Variants in ASPSCR1 observed in about 807,000 individuals in gnomAD.
ASPSCR1 encodes the protein tether containing UBX domain for GLUT4.
Under a neutral mutation model 68.9 loss-of-function variants are expected in ASPSCR1, and 55 were observed. The observed-to-expected ratio is 0.80, with a 90% confidence interval of 0.64 to 1.00. The LOEUF is 1.00. ASPSCR1 is among the 50% of genes least tolerant of loss of function. ASPSCR1 has a pLI of 0.00. For missense variants in ASPSCR1, 765 were observed against 762.2 expected (o/e 1.00, Z -0.04); for synonymous variants, 352 against 332.6 (o/e 1.06, Z -0.63).
intron 7 of ASPSCR1, among the ~76,000 whole-genome samples, chr17:82,001,631 G>A (rs1716412683): frequency 6.6e-6 from 1 of 152,168 alleles, no homozygotes; most frequent in South Asian, 2.1e-4. Context: ...GGGAGAACTG[G>A]GAGTGTGGGG....
intron 2 of ASPSCR1, among the ~76,000 whole-genome samples, chr17:81,981,858 G>A (rs893971429): frequency 6.6e-6 from 1 of 152,180 alleles, no homozygotes; most frequent in Non-Finnish European, 1.5e-5. Context: ...TAGTGACGGG[G>A]TTTCACCATG....
intron 7 of ASPSCR1, among the ~76,000 whole-genome samples, chr17:82,003,691 A>G (rs935485764): frequency 6.6e-6 from 1 of 152,260 alleles, no homozygotes; most frequent in African/African-American, 2.4e-5. Context: ...TGGTGTCTTC[A>G]GAGGCAGTCC....
At chr17:81,988,468 AAAAC>A (rs2042066115) in intron 4 of ASPSCR1, among the ~76,000 whole-genome samples, 3 of 151,776 alleles carry the variant, frequency 2.0e-5, no homozygotes, top group Non-Finnish European at 4.4e-5. Context: ...AAAAAAAAAA[AAAAC>A]AAGAGCAAGT....
intron 4 of ASPSCR1, among the ~76,000 whole-genome samples, chr17:81,994,368 G>A (rs908797544): frequency 4.6e-5 from 7 of 152,356 alleles, no homozygotes; most frequent in East Asian, 1.9e-4. Context: ...GACATCAGGC[G>A]GTGGAGACAG....
At chr17:82,001,720 G>A (rs971970195) in intron 7 of ASPSCR1, among the ~76,000 whole-genome samples, 1 of 152,204 alleles carries the variant, frequency 6.6e-6, no homozygotes, top group African/African-American at 2.4e-5. Context: ...TCCCCGTTGG[G>A]CCCAAGATCC....
chr17:81,979,348 A>G, intron 2 of ASPSCR1, 109 bp downstream of exon 2: 1 of 1,248,412 alleles, frequency 8.0e-7, no homozygotes, highest in African/African-American at 1.5e-5. Context: ...AAACAGTCAT[A>G]TATTCCCTCC....
intron 7 of ASPSCR1, chr17:82,007,125 C>T (rs2042746288): frequency 6.6e-6 from 1 of 152,314 alleles, no homozygotes; most frequent in South Asian, 2.1e-4. Flanking sequence ...CTGGGCCCTT[C>T]TGGTAGCCGC....
Position 82,017,173 on chromosome 17 carries a change from G to A in ASPSCR1, c.1648+60G>A, listed in dbSNP as rs1055647405. The A allele has an allele frequency of 6.4e-6, 10 of 1,569,816 alleles. No homozygotes were observed. The African/African-American group carries it at 1.1e-4, about 17-fold the overall frequency. ...CCGGGTGGAGGGCGGGGGTCCGGGT[G>A]CTGTGGCAGGGTCAGTGGGCTGGGG... On this transcript the variant is annotated intron_variant, in intron 15 of 15. Coordinates refer to ENST00000306739, the MANE Select transcript of ASPSCR1 (RefSeq NM_024083.4).
chr17:82,015,626 T>C lies in ASPSCR1; in HGVS notation c.1354-850T>C, dbSNP rs1385380186. 7.6e-6 allele frequency: 4 copies of C among 526,850 alleles called. No homozygotes were observed. In the African/African-American group the frequency reaches 7.6e-5, roughly 10 times the overall value. The allele number at this position is 526,850 out of a possible 1,614,324, so 32.6% of individuals were successfully genotyped here. A position where few individuals can be genotyped will look rare whatever the true frequency, so the allele number is the denominator to read the frequency against. ...CAGATGGGGCTGGCCAGGGCTCCTGTGCCCACAGCAGCCTCTGGGCAGTGT... is the reference window on the plus strand; with the variant it reads ...CAGATGGGGCTGGCCAGGGCTCCTGCGCCCACAGCAGCCTCTGGGCAGTGT... On this transcript the variant is annotated intron_variant, in intron 12 of 15. Coordinates refer to ENST00000306739, the MANE Select transcript of ASPSCR1 (RefSeq NM_024083.4).
At chr17:82,011,440 CGGGGAA>C in intron 10 of ASPSCR1, 97 bp from the exon 11 acceptor site, 1 of 1,141,790 alleles carries the variant, frequency 8.8e-7, no homozygotes, top group South Asian at 1.6e-5. Flanking sequence ...TCCCACCCCT[CGGGGAA>C]AGGCCCAGGA....
Position 81,987,904 on chromosome 17 carries a change from A to T in ASPSCR1, c.374+2297A>T, listed in dbSNP as rs1693803715. Among the ~76,000 whole-genome samples, 1 of 152,142 alleles carries T rather than the reference A, an allele frequency of 6.6e-6. No individual in the cohort carries two copies. The highest frequency in any genetic ancestry group is 2.1e-4 in the South Asian group (1 of 4,822). ...GCTGGGCACGGTGGCTCACACCTGT[A>T]ATCGCAGCACTTTGGGAGGCTGAGG... On this transcript the variant is annotated intron_variant, in intron 4 of 15. Transcript: ENST00000306739. This position sits in a 1 kb window ranked among gnomAD's most constrained non-coding sequence, Gnocchi z 5.6.
At chr17:81,997,605 C>T (rs996447243) in intron 7 of ASPSCR1, among the ~76,000 whole-genome samples, 6 of 149,876 alleles carry the variant, frequency 4.0e-5, no homozygotes, top group Admixed American at 6.7e-5. Context: ...ACTCCTGCCT[C>T]AGCCTCCCGA....
rs2041859885 is a variant in ASPSCR1, at chr17:81,983,432, A to AGGACGTGGATGGCG, written c.159-119_159-106dup. The AGGACGTGGATGGCG allele has an allele frequency of 5.1e-6, 4 of 787,344 alleles. No homozygotes were observed. The highest frequency in any genetic ancestry group is 3.5e-5 in the African/African-American group (2 of 57,664). 48.8% of individuals were successfully genotyped at this position (787,344 alleles called of 1,614,324 possible). A position where few individuals can be genotyped will look rare whatever the true frequency, so the allele number is the denominator to read the frequency against. On this transcript the variant is annotated intron_variant, in intron 2 of 15. Transcript: ENST00000306739. This position sits in a 1 kb window ranked among gnomAD's most constrained non-coding sequence, Gnocchi z 4.4. ...CGTCCCGCTGTTGGGGAGCTGCCAC[A>AGGACGTGGATGGCG]GGACGTGGATGGCGGGGCGTGGATG... is the stretch of plus-strand genomic sequence containing the variant.
In ASPSCR1 at chr17:81,996,499, G is replaced by A. The variant is rs751290352; in HGVS notation, c.586G>A (p.Ala196Thr). ...GSSASAGQAA[A>T]SAPLPLESGE... ...GTCAGCGTCGGCTGGCCAGGCAGCC[G>A]CCAGCGCTCCACTTCCCTTGGAATC... is the stretch of plus-strand genomic sequence containing the variant. The change falls in exon 7 of 16, where the codon GCC (alanine) becomes ACC (threonine). Residue 196 changes from alanine to threonine, a missense_variant. Transcript: ENST00000306739. 5.6e-6 allele frequency: 9 copies of A among 1,611,914 alleles called. No homozygotes were observed. Among genetic ancestry groups the A allele is most frequent in the African/African-American group, 2.7e-5 (2 of 74,910 alleles).
intron 4 of ASPSCR1, among the ~76,000 whole-genome samples, chr17:81,988,668 G>A (rs1287975528): frequency 6.6e-6 from 1 of 152,194 alleles, no homozygotes; most frequent in Non-Finnish European, 1.5e-5. Context: ...GTGGCTGACT[G>A]TTGTTGCTGG....
chr17:81,987,545 A>C lies in ASPSCR1; in HGVS notation c.374+1938A>C, dbSNP rs1344700073. 6.6e-6 allele frequency among the ~76,000 whole-genome samples: 1 copy of C among 152,094 alleles called. No homozygotes were observed. The highest frequency in any genetic ancestry group is 1.5e-5 in the Non-Finnish European group (1 of 67,988). ...CTGTGCTGTCAGTCCTCAGATGGGG[A>C]TGGAGGTAAGGAAATGGCCCAGAGT... On this transcript the variant is annotated intron_variant, in intron 4 of 15. Coordinates refer to ENST00000306739, the MANE Select transcript of ASPSCR1 (RefSeq NM_024083.4). The surrounding 1 kb of genome is among the most constrained non-coding windows in gnomAD (Gnocchi z 5.6).
chr17:81,995,153 T>C (rs1409406412), intron 5 of ASPSCR1: 1 of 497,954 alleles, frequency 2.0e-6, no homozygotes, highest in Admixed American at 3.8e-5. Context: ...CTTTGCTCGG[T>C]GTTTTGATCA....
Position 81,999,952 on chromosome 17 carries a change from G to A in ASPSCR1, c.933+3106G>A, listed in dbSNP as rs556288441. Among the ~76,000 whole-genome samples, 1 of 152,344 alleles carries A rather than the reference G, an allele frequency of 6.6e-6. No individual in the cohort carries two copies. Among genetic ancestry groups the A allele is most frequent in the Non-Finnish European group, 1.5e-5 (1 of 68,020 alleles). On this transcript the variant is annotated intron_variant, in intron 7 of 15. Transcript: ENST00000306739. The surrounding 1 kb of genome is among the most constrained non-coding windows in gnomAD (Gnocchi z 4.4). ...GGGACTGTTCCTGTTGAGTGGACAA[G>A]GGAGTGGGGAGTGAGGGTGTTGGGT...
In ASPSCR1 at chr17:82,015,509, G is replaced by A. The variant is rs1259365106; in HGVS notation, c.1354-967G>A. On this transcript the variant is annotated intron_variant, in intron 12 of 15. Transcript: ENST00000306739. ...TCCCGTGGGGCAGTGCTGGTTGGGG[G>A]TCCTGGCCTGTGGGGGCTATGATGA... The A allele has an allele frequency of 2.4e-5, 25 of 1,020,456 alleles. 1 individual carries two copies. The highest frequency in any genetic ancestry group is 6.7e-5 in the South Asian group (4 of 59,414). The allele number at this position is 1,020,456 out of a possible 1,614,324, so 63.2% of individuals were successfully genotyped here.
Sources: allele counts gnomAD v4.1 joint callset (sites outside exome capture counted in the v4.1 genomes callset), GRCh38; gene constraint gnomAD v4.1.1; non-coding constraint Gnocchi (gnomAD v3.1); transcripts MANE v1.5; gene names NCBI Gene and HGNC (gene_info 2026-07-23, HGNC 2026-07-21).